Variants in FKBP1B observed in about 807,000 individuals in gnomAD.
FKBP1B encodes the protein FKBP prolyl isomerase 1B.
In FKBP1B, 4 loss-of-function variants were observed where a neutral mutation model predicts 13.5. That is an observed-to-expected ratio of 0.30 (90% confidence interval 0.15 to 0.68). FKBP1B has a LOEUF of 0.68. FKBP1B is among the 30% of genes least tolerant of loss of function. The pLI, the probability that FKBP1B is intolerant of heterozygous loss-of-function variation, is 0.76. For missense variants in FKBP1B, 93 were observed against 136.2 expected, an observed-to-expected ratio of 0.68 and a Z score of 1.58; for synonymous variants, 54 against 53.6, an observed-to-expected ratio of 1.01 and a Z score of -0.03.
At chr2:24,051,812 G>C (rs1433506106) in intron 1 of FKBP1B, among the ~76,000 whole-genome samples, 31 of 152,156 alleles carry the variant, frequency 2.0e-4, no homozygotes, top group Admixed American at 2.0e-3. Context: ...ATCCCATAGA[G>C]TCCTCTAAAT....
Position 24,063,471 on chromosome 2 carries a change from T to TA in FKBP1B, c.*279_*280insA. The TA allele has an allele frequency of 8.4e-6, 3 of 357,914 alleles. No individual in the cohort carries two copies. Among genetic ancestry groups the TA allele is most frequent in the South Asian group, 7.7e-5 (1 of 12,964 alleles). 22.2% of individuals were successfully genotyped at this position (357,914 alleles called of 1,614,324 possible). On this transcript the variant is annotated 3_prime_UTR_variant, in exon 4 of 4. Coordinates refer to ENST00000380986, the MANE Select transcript of FKBP1B (RefSeq NM_004116.5). ...GCCTTTCCTGATGACAGAACACAGA[T>TA]CTCTTGTTCGCACAATCTACACTGC... is the stretch of plus-strand genomic sequence containing the variant.
the FKBP1B span, among the ~76,000 whole-genome samples, chr2:24,040,853 C>T: frequency 1.3e-5 from 2 of 151,516 alleles, no homozygotes; most frequent in South Asian, 4.2e-4. Flanking sequence ...CCCATCTCTA[C>T]TAAAAATACA....
chr2:24,059,374 G>T (rs898596066), intron 2 of FKBP1B, among the ~76,000 whole-genome samples: 5 of 145,922 alleles, frequency 3.4e-5, no homozygotes, highest in Admixed American at 6.7e-5. Context: ...CCAGCACCTG[G>T]GGGGGGGTTC....
intron 2 of FKBP1B, 23 bp downstream of exon 2, chr2:24,053,972 C>T: frequency 2.5e-6 from 4 of 1,612,040 alleles, no homozygotes; most frequent in Non-Finnish European, 3.4e-6. Context: ...CCCTCAGCCC[C>T]CACCCAGTCC....
At chr2:24,058,243 C>T (rs962934293) in intron 2 of FKBP1B, among the ~76,000 whole-genome samples, 2 of 150,604 alleles carry the variant, frequency 1.3e-5, no homozygotes, top group South Asian at 4.2e-4. Flanking sequence ...ATGAAGATAT[C>T]CTTCTATTTG....
Position 24,049,876 on chromosome 2 carries a change from C to G in FKBP1B, c.27C>G (p.Ser9=). 7.0e-7 allele frequency: 1 copy of G among 1,427,036 alleles called. No individual in the cohort carries two copies. The highest frequency in any genetic ancestry group is 2.6e-5 in the Admixed American group (1 of 38,996). 88.4% of individuals were successfully genotyped at this position (1,427,036 alleles called of 1,614,324 possible). A position where few individuals can be genotyped will look rare whatever the true frequency, so the allele number is the denominator to read the frequency against. The change falls in exon 1 of 4, where the codon TCC becomes TCG. Residue 9 remains serine (S), a synonymous_variant. Transcript: ENST00000380986. MGVEIETI[S]PGDGRTFPKK... ...TGGGCGTGGAGATCGAGACCATCTC[C>G]CCCGGAGACGGTACCGGGCTCCCTC...
At chr2:24,046,352 A>G (rs1558338636), upstream of FKBP1B, among the ~76,000 whole-genome samples, 1 of 152,142 alleles carries the variant, frequency 6.6e-6, no homozygotes. Flanking sequence ...GCATTCCCCA[A>G]CGCTACTGAT....
the FKBP1B span, among the ~76,000 whole-genome samples, chr2:24,042,428 C>T: frequency 2.7e-5 from 4 of 149,792 alleles, no homozygotes; most frequent in African/African-American, 7.4e-5. Flanking sequence ...CCCAGCTACT[C>T]GGAAGGCTGA....
At chr2:24,034,720 G>C in the FKBP1B span, among the ~76,000 whole-genome samples, 1 of 151,726 alleles carries the variant, frequency 6.6e-6, no homozygotes. Context: ...AAAACAGGTG[G>C]GTGCCATCAC....
chr2:24,059,197 G>C (rs1664268087), intron 2 of FKBP1B, among the ~76,000 whole-genome samples: 1 of 152,192 alleles, frequency 6.6e-6, no homozygotes, highest in Non-Finnish European at 1.5e-5. Context: ...GGACTGCCGG[G>C]AGCAGTCGTG....
chr2:24,055,146 C>T (rs763679965), intron 2 of FKBP1B, among the ~76,000 whole-genome samples: 29 of 151,868 alleles, frequency 1.9e-4, no homozygotes, highest in South Asian at 4.2e-4. Context: ...CCCCCTGATG[C>T]CTTCTCCCAG....
the FKBP1B span, chr2:24,033,259 TA>T: frequency 2.1e-6 from 1 of 485,646 alleles, no homozygotes; most frequent in Non-Finnish European, 4.1e-6. Flanking sequence ...AATCTGACGG[TA>T]AGAACACCTT....
chr2:24,063,105 T>G lies in FKBP1B; in HGVS notation c.240T>G (p.Asp80Glu). 6.2e-7 allele frequency: 1 copy of G among 1,614,138 alleles called. No individual in the cohort carries two copies. Among genetic ancestry groups the G allele is most frequent in the South Asian group, 1.1e-5 (1 of 91,064 alleles). ...GGGCGAAGCTGACCTGCACCCCTGA[T>G]GTGGCATATGGAGCCACGGGCCACC... ...GQRAKLTCTP[D>E]VAYGATGHPG... Residue 80 changes from aspartate to glutamate, a missense_variant, in exon 4 of 4, where the codon GAT becomes GAG. By Grantham distance (45) the Asp-to-Glu change is conservative. Transcript: ENST00000380986.
intron 3 of FKBP1B, among the ~76,000 whole-genome samples, chr2:24,061,383 G>A (rs1197525851): frequency 6.6e-6 from 1 of 152,162 alleles, no homozygotes; most frequent in Non-Finnish European, 1.5e-5. Context: ...GAACCGGGGA[G>A]GTGAAGGTTG....
At chr2:24,045,999 G>A (rs1281157768), upstream of FKBP1B, 1 of 151,946 alleles carries the variant, frequency 6.6e-6, no homozygotes, top group Non-Finnish European at 1.5e-5. Flanking sequence ...TCCCACACCT[G>A]CAGTCCTAGT....
chr2:24,038,270 T>C, the FKBP1B span: 2 of 1,614,154 alleles, frequency 1.2e-6, no homozygotes, highest in South Asian at 2.2e-5. Context: ...GTTGTATCAG[T>C]GAGTTTTTGT....
upstream of FKBP1B, chr2:24,049,607 A>G (rs1382645615): frequency 2.7e-6 from 1 of 364,192 alleles, no homozygotes; most frequent in East Asian, 4.0e-5. Context: ...GCTCGCTAAC[A>G]GCCGGGCGGG....
chr2:24,055,346 G>T (rs1255629769), intron 2 of FKBP1B, among the ~76,000 whole-genome samples: 1 of 152,100 alleles, frequency 6.6e-6, no homozygotes. Context: ...GACTAGCTGG[G>T]ACCACAGACA....
chr2:24,056,499 A>G (rs1253901058), intron 2 of FKBP1B, among the ~76,000 whole-genome samples: 1 of 151,328 alleles, frequency 6.6e-6, no homozygotes, highest in Non-Finnish European at 1.5e-5. Context: ...GCGCACCACC[A>G]CACCCAGCTA....
Sources: gnomAD v4.1 joint callset for allele counts (sites outside exome capture counted in the v4.1 genomes callset) on GRCh38, gnomAD v4.1.1 for gene constraint, MANE v1.5 for transcripts, NCBI Gene and HGNC (gene_info 2026-07-23, HGNC 2026-07-21) for gene names.